Variants in STARD13 observed in about 807,000 individuals in gnomAD.
STARD13 encodes the protein StAR related lipid transfer domain containing 13, also known as stAR-related lipid transfer protein 13.
STARD13 carries 62 observed loss-of-function variants against 106.4 expected under a neutral mutation model. The observed-to-expected ratio is 0.58, with a 90% confidence interval of 0.48 to 0.72. STARD13 has a LOEUF of 0.72. STARD13 is among the 30% of genes least tolerant of loss of function. The pLI, the probability that STARD13 is intolerant of heterozygous loss-of-function variation, is 0.00. For synonymous variants in STARD13, 565 were observed against 553.0 expected, an observed-to-expected ratio of 1.02 and a Z score of -0.31; for missense variants, 1,387 against 1,424.0, an observed-to-expected ratio of 0.97 and a Z score of 0.42.
At chr13:33,619,029 A>T in the STARD13 span, among the ~76,000 whole-genome samples, 1 of 152,030 alleles carries the variant, frequency 6.6e-6, no homozygotes, top group African/African-American at 2.4e-5. Context: ...TTCAGGGCTG[A>T]GAGCAGACCA....
At chr13:33,209,782 G>A (rs548598063) in intron 1 of STARD13, among the ~76,000 whole-genome samples, 1 of 152,076 alleles carries the variant, frequency 6.6e-6, no homozygotes, top group East Asian at 1.9e-4. Context: ...ACCAACCTAG[G>A]CAACACAGAG....
chr13:33,483,908 T>C, the STARD13 span, among the ~76,000 whole-genome samples: 3 of 152,206 alleles, frequency 2.0e-5, no homozygotes, highest in Non-Finnish European at 4.4e-5. Context: ...AAGTATATGA[T>C]TTTCCCTAGA....
the STARD13 span, among the ~76,000 whole-genome samples, chr13:33,567,421 A>C: frequency 2.0e-5 from 3 of 148,370 alleles, no homozygotes; most frequent in Non-Finnish European, 4.5e-5. Flanking sequence ...TGGAACACAA[A>C]TTGACAGAAG....
At chr13:33,547,635 C>T in the STARD13 span, among the ~76,000 whole-genome samples, 42 of 152,234 alleles carry the variant, frequency 2.8e-4, no homozygotes, top group African/African-American at 9.4e-4. Context: ...TAGGGTAGAG[C>T]AGTGCTCTGC....
intron 1 of STARD13, among the ~76,000 whole-genome samples, chr13:33,252,958 GC>G (rs1191346907): frequency 2.0e-5 from 3 of 152,142 alleles, no homozygotes; most frequent in Non-Finnish European, 4.4e-5. Flanking sequence ...CTGACCTTGG[GC>G]CCATGTCACA....
chr13:33,472,002 T>C, the STARD13 span, among the ~76,000 whole-genome samples: 1 of 152,036 alleles, frequency 6.6e-6, no homozygotes, highest in South Asian at 2.1e-4. Context: ...GCCTGGTGAG[T>C]GAAATTATGT....
intron 1 of STARD13, among the ~76,000 whole-genome samples, chr13:33,265,414 T>A (rs1378755046): frequency 6.6e-6 from 1 of 152,200 alleles, no homozygotes; most frequent in Non-Finnish European, 1.5e-5. Context: ...TATGAACAGG[T>A]GTCCTATAGG....
At chr13:33,429,627 C>A in the STARD13 span, among the ~76,000 whole-genome samples, 1 of 151,918 alleles carries the variant, frequency 6.6e-6, no homozygotes, top group East Asian at 1.9e-4. Context: ...ATGGATGGAA[C>A]TGGAGATCAT....
the STARD13 span, among the ~76,000 whole-genome samples, chr13:33,544,776 T>C: frequency 2.8e-5 from 4 of 142,948 alleles, no homozygotes; most frequent in African/African-American, 7.8e-5. Context: ...TTCTCTTTTT[T>C]TTTTTTTTTT....
the STARD13 span, among the ~76,000 whole-genome samples, chr13:33,599,965 T>G: frequency 2.6e-5 from 4 of 152,170 alleles, no homozygotes; most frequent in African/African-American, 9.7e-5. Context: ...AAAACGCCCC[T>G]TTATACCAAA....
the STARD13 span, among the ~76,000 whole-genome samples, chr13:33,541,810 G>A: frequency 2.6e-5 from 4 of 152,346 alleles, no homozygotes; most frequent in Non-Finnish European, 5.9e-5. Flanking sequence ...ATTAAACGGA[G>A]CGGATGCAGA....
At chr13:33,535,016 G>A in the STARD13 span, among the ~76,000 whole-genome samples, 1 of 152,122 alleles carries the variant, frequency 6.6e-6, no homozygotes, top group Non-Finnish European at 1.5e-5. Flanking sequence ...AGGAGTTCGA[G>A]AACAGCCTGG....
chr13:33,292,914 A>T (rs1184376783), intron 1 of STARD13, among the ~76,000 whole-genome samples: 1 of 151,614 alleles, frequency 6.6e-6, no homozygotes, highest in East Asian at 1.9e-4. Context: ...TACTTGAACC[A>T]CCAGGTCCTG....
the STARD13 span, among the ~76,000 whole-genome samples, chr13:33,545,387 G>A: frequency 8.5e-4 from 130 of 152,340 alleles, no homozygotes; most frequent in Middle Eastern, 3.4e-3. Context: ...GAGCCACTGT[G>A]CCTGGCCCGA....
chr13:33,114,063 C>G (rs1280960274), intron 8 of STARD13, among the ~76,000 whole-genome samples: 1 of 152,146 alleles, frequency 6.6e-6, no homozygotes, highest in Non-Finnish European at 1.5e-5. Flanking sequence ...CATTAGCACT[C>G]CCACGTGTGT....
At chr13:33,520,029 C>T in the STARD13 span, 1 of 152,132 alleles carries the variant, frequency 6.6e-6, no homozygotes, top group Non-Finnish European at 1.5e-5. Context: ...TTTTCAGTTG[C>T]CATCTGGTGC....
chr13:33,275,568 A>G (rs1361982145), intron 1 of STARD13: 1 of 152,198 alleles, frequency 6.6e-6, no homozygotes, highest in Non-Finnish European at 1.5e-5. Context: ...ATGTAGAGCT[A>G]GAGTTCAAAT....
intron 1 of STARD13, among the ~76,000 whole-genome samples, chr13:33,333,098 C>T (rs1439922518): frequency 1.3e-5 from 2 of 152,000 alleles, no homozygotes; most frequent in Non-Finnish European, 2.9e-5. Context: ...TTTTAAATTT[C>T]AGCTATGCTG....
the STARD13 span, among the ~76,000 whole-genome samples, chr13:33,481,975 T>G: frequency 7.1e-6 from 1 of 140,234 alleles, no homozygotes; most frequent in African/African-American, 2.7e-5. Context: ...AGAGCGAGAC[T>G]CCGTCTCGAA....
Sources: gnomAD v4.1 joint callset for allele counts (sites outside exome capture counted in the v4.1 genomes callset) on GRCh38, gnomAD v4.1.1 for gene constraint, MANE v1.5 for transcripts, NCBI Gene and HGNC (gene_info 2026-07-23, HGNC 2026-07-21) for gene names.